Variants in IPP observed in about 807,000 individuals in gnomAD.
IPP encodes the protein actin-binding protein IPP.
A neutral mutation model predicts 64.1 loss-of-function variants in IPP; 41 were observed. The observed-to-expected ratio is 0.64, with a 90% confidence interval of 0.50 to 0.83. IPP has a LOEUF of 0.83. Ranked by LOEUF, IPP falls within the 40% of genes least tolerant of loss-of-function variation. IPP has a pLI of 0.00. For missense variants in IPP, 649 were observed against 703.0 expected, an observed-to-expected ratio of 0.92 and a Z score of 0.87; for synonymous variants, 214 against 235.2, an observed-to-expected ratio of 0.91 and a Z score of 0.83.
chr1:45,721,941 T>G (rs1645738391), intron 5 of IPP, among the ~76,000 whole-genome samples: 1 of 152,046 alleles, frequency 6.6e-6, no homozygotes, highest in South Asian at 2.1e-4. Context: ...CGGTGGTGCG[T>G]GTCTGTAATC....
intron 5 of IPP, among the ~76,000 whole-genome samples, chr1:45,725,037 G>A (rs1645795176): frequency 6.8e-6 from 1 of 146,688 alleles, no homozygotes; most frequent in Non-Finnish European, 1.5e-5. Flanking sequence ...CCCCCCGCCC[G>A]GCCAGCCGCC....
intron 8 of IPP, among the ~76,000 whole-genome samples, chr1:45,708,379 T>TA (rs1316070766): frequency 1.4e-4 from 20 of 144,570 alleles, no homozygotes; most frequent in South Asian, 2.5e-4. Context: ...TGATTAAAGA[T>TA]AAAAAAAAGC....
chr1:45,724,373 G>A (rs1284046089), intron 5 of IPP, among the ~76,000 whole-genome samples: 17 of 151,834 alleles, frequency 1.1e-4, no homozygotes, highest in Non-Finnish European at 1.8e-4. Context: ...CCAAAGAGCC[G>A]AGATTGCAGC....
chr1:45,707,046 C>T (rs1645520836), intron 8 of IPP, among the ~76,000 whole-genome samples: 1 of 152,112 alleles, frequency 6.6e-6, no homozygotes. Flanking sequence ...TTGATGCCAC[C>T]CTGAGCAACA....
At chr1:45,740,652 C>T (rs1436995218) in intron 3 of IPP, among the ~76,000 whole-genome samples, 4 of 152,068 alleles carry the variant, frequency 2.6e-5, no homozygotes, top group Non-Finnish European at 5.9e-5. Flanking sequence ...ACTAATCTGC[C>T]TTAGTAATCA....
intron 1 of IPP, among the ~76,000 whole-genome samples, chr1:45,746,706 GTTAATA>G (rs1373319087): frequency 5.9e-5 from 9 of 152,102 alleles, no homozygotes; most frequent in East Asian, 3.9e-4. Flanking sequence ...AAGATAAACA[GTTAATA>G]TTAAGGTATG....
intron 5 of IPP, among the ~76,000 whole-genome samples, chr1:45,726,085 T>TA (rs1311008830): frequency 0.033 from 4,290 of 129,354 alleles, 93 homozygotes; most frequent in Non-Finnish European, 0.047. Flanking sequence ...GAATGATCAA[T>TA]AAAAAAAATA....
chr1:45,695,721 G>C (rs1645381399), downstream of IPP, among the ~76,000 whole-genome samples: 1 of 151,884 alleles, frequency 6.6e-6, no homozygotes, highest in Non-Finnish European at 1.5e-5. Context: ...CCAGGCTGGA[G>C]TGCAATGGCG....
chr1:45,724,925 C>T (rs1645792221), intron 5 of IPP, among the ~76,000 whole-genome samples: 1 of 145,948 alleles, frequency 6.9e-6, no homozygotes, highest in South Asian at 2.2e-4. Context: ...GCCGCCCCGT[C>T]CGGGAGGTGA....
At chr1:45,740,374 G>T (rs1185537044) in intron 3 of IPP, among the ~76,000 whole-genome samples, 1 of 152,184 alleles carries the variant, frequency 6.6e-6, no homozygotes, top group Non-Finnish European at 1.5e-5. Flanking sequence ...GGGCAGAGGG[G>T]CTCCTCACTT....
At chr1:45,694,692 GTT>G, downstream of IPP, 1 of 530,292 alleles carries the variant, frequency 1.9e-6, no homozygotes, top group South Asian at 2.6e-5. Context: ...AGTTGGACAT[GTT>G]TTCCAGTTTT....
chr1:45,745,506 AATTT>A (rs1331544748), intron 2 of IPP, among the ~76,000 whole-genome samples: 3 of 152,142 alleles, frequency 2.0e-5, no homozygotes, highest in Non-Finnish European at 4.4e-5. Context: ...CATGTATCAT[AATTT>A]ATTTAGCCAT....
In IPP at chr1:45,727,746, G is replaced by T. The variant is rs1455610246; in HGVS notation, c.933C>A (p.Ser311Arg). The T allele has an allele frequency of 8.2e-6, 13 of 1,588,168 alleles. No homozygotes were observed. The highest frequency in any genetic ancestry group is 1.1e-5 in the Non-Finnish European group (13 of 1,160,756). ...TAAAGGTGTCAAAACGTTCTACACA[G>T]CTGAGGGCTCTGCTATCACTCCAGC... Reference protein sequence around the residue: ...GGRWSDSRALSCVERFDTFSQ... With the variant: ...GGRWSDSRALRCVERFDTFSQ... The change falls in exon 5 of 9, where the codon AGC becomes AGA. Residue 311 changes from serine (S) to arginine (R), a missense_variant. By Grantham distance (110) the Ser-to-Arg change is moderately radical (BLOSUM62 -1). Transcript: ENST00000396478.
Position 45,700,185 on chromosome 1 carries a change from C to T in IPP, c.1536G>A (p.Lys512=), listed in dbSNP as rs1258426720. 1.2e-6 allele frequency: 2 copies of T among 1,607,842 alleles called. No individual in the cohort carries two copies. The highest frequency in any genetic ancestry group is 4.5e-5 in the East Asian group (2 of 44,632). ...TVEKYSFEEE[K]WVEVASMKVP... ...CTTTCATTGAGGCAACTTCAACCCA[C>T]TTTTCCTGGTTAAGAGAGAAAAAAA... Residue 512 remains lysine, a synonymous_variant, in exon 9 of 9, where the codon AAG becomes AAA. Transcript: ENST00000396478.
In IPP at chr1:45,707,354, C is replaced by T. The variant is rs1645524798; in HGVS notation, c.1530+6892G>A. ...AGGAGAATGGCGTGAACCTGGGAGG[C>T]GGAGCTTGCAATGAGCCAAGATCGC... On this transcript the variant is annotated intron_variant, in intron 8 of 8. Transcript: ENST00000396478. 2.2e-5 allele frequency among the ~76,000 whole-genome samples: 3 copies of T among 136,834 alleles called. No homozygotes were observed. The South Asian group carries it at 7.1e-4, about 33-fold the overall frequency. 89.8% of individuals were successfully genotyped at this position (136,834 alleles called of 152,430 possible). A position where few individuals can be genotyped will look rare whatever the true frequency, so the allele number is the denominator to read the frequency against.
At chr1:45,713,804 T>C (rs1414049382) in intron 8 of IPP, among the ~76,000 whole-genome samples, 1 of 152,070 alleles carries the variant, frequency 6.6e-6, no homozygotes, top group Non-Finnish European at 1.5e-5. Flanking sequence ...AGCTATCCTC[T>C]CATCTTGGCT....
At chr1:45,737,502 C>T (rs1645997418) in intron 3 of IPP, among the ~76,000 whole-genome samples, 1 of 150,182 alleles carries the variant, frequency 6.7e-6, no homozygotes, top group Admixed American at 6.6e-5. Flanking sequence ...GCTCTGCCAC[C>T]CAGGCTAGAG....
In IPP at chr1:45,733,153, G is replaced by A. The variant is rs561882662; in HGVS notation, c.725-3384C>T. Among the ~76,000 whole-genome samples the A allele has an allele frequency of 2.3e-3, 357 of 151,956 alleles. 2 individuals are homozygous for A. Among genetic ancestry groups the A allele is most frequent in the African/African-American group, 8.3e-3 (346 of 41,474 alleles). On this transcript the variant is annotated intron_variant, in intron 3 of 8. Coordinates refer to ENST00000396478, the MANE Select transcript of IPP (RefSeq NM_005897.3). ...CAGAAAAATCAAGTCATGGCCAGGT[G>A]CAGCGGCTCACGCCTGTAATCCCAG... is the stretch of plus-strand genomic sequence containing the variant.
intron 7 of IPP, among the ~76,000 whole-genome samples, chr1:45,714,675 G>A (rs1645634553): frequency 1.3e-5 from 2 of 152,124 alleles, no homozygotes; most frequent in Admixed American, 1.3e-4. Flanking sequence ...ATTTAAAATA[G>A]CATTGAGTTT....
Sources: gnomAD v4.1 joint callset for allele counts (sites outside exome capture counted in the v4.1 genomes callset) on GRCh38, gnomAD v4.1.1 for gene constraint, MANE v1.5 for transcripts, NCBI Gene and HGNC (gene_info 2026-07-23, HGNC 2026-07-21) for gene names.